Variants in RASA3 observed in about 807,000 individuals in gnomAD.
The protein encoded by RASA3 is RAS p21 protein activator 3, also known as ras GTPase-activating protein 3.
Under a neutral mutation model 110.0 loss-of-function variants are expected in RASA3, and 73 were observed. That is an observed-to-expected ratio of 0.66 (90% CI 0.55 to 0.81). The LOEUF is 0.81. Among genes scored for constraint, RASA3 ranks in the 30% least tolerant of loss-of-function variants. RASA3 has a pLI of 0.00. For missense variants in RASA3, 976 were observed against 1,113.2 expected (o/e 0.88, Z 1.75); for synonymous variants, 500 against 451.4 (o/e 1.11, Z -1.37).
At chr13:114,081,251 C>T (rs1294478611) in intron 1 of RASA3, among the ~76,000 whole-genome samples, 5 of 152,204 alleles carry the variant, frequency 3.3e-5, no homozygotes, top group African/African-American at 9.6e-5. Flanking sequence ...GAGACTCACG[C>T]GTCCCGAGAC....
Position 113,997,305 on chromosome 13 carries a change from T to C in RASA3, c.1933-566A>G, listed in dbSNP as rs76716492. On this transcript the variant is annotated intron_variant, in intron 20 of 23. Transcript: ENST00000334062. ...TTATTACTCATTCAACAAACATGAC[T>C]GAGCACCAGCACTCTCCTATGTCCC... 6.8e-4 allele frequency among the ~76,000 whole-genome samples: 104 copies of C among 152,178 alleles called. No homozygotes were observed. In the East Asian group the frequency reaches 0.015, roughly 22 times the overall value.
intron 4 of RASA3, among the ~76,000 whole-genome samples, chr13:114,030,172 G>A (rs1050864938): frequency 2.4e-4 from 37 of 152,258 alleles, no homozygotes; most frequent in Non-Finnish European, 4.7e-4. Context: ...GGGTCCAACC[G>A]TGTAGGAGAC....
chr13:114,075,448 TC>T (rs2079653221), intron 1 of RASA3, among the ~76,000 whole-genome samples: 1 of 102,976 alleles, frequency 9.7e-6, no homozygotes, highest in Admixed American at 8.7e-5. Context: ...GGACAACGCC[TC>T]CCGTGTCCGC....
chr13:114,031,556 G>C (rs935328716), intron 4 of RASA3, among the ~76,000 whole-genome samples: 3 of 151,304 alleles, frequency 2.0e-5, no homozygotes, highest in African/African-American at 7.3e-5. Flanking sequence ...GTGTTTGTCC[G>C]CCTGTCTGTA....
intron 1 of RASA3, among the ~76,000 whole-genome samples, chr13:114,100,146 T>C (rs879344651): frequency 8.6e-5 from 13 of 151,266 alleles, no homozygotes; most frequent in Admixed American, 7.9e-4. Context: ...CTCTGCGCAA[T>C]AGGAAGACGC....
Position 113,979,099 on chromosome 13 carries a change from A to C in RASA3, c.*248T>G, listed in dbSNP as rs1292716386. 3 of 528,612 alleles carry C rather than the reference A, an allele frequency of 5.7e-6. No homozygotes were observed. 32.7% of individuals were successfully genotyped at this position (528,612 alleles called of 1,614,324 possible). On this transcript the variant is annotated 3_prime_UTR_variant, in exon 24 of 24. Transcript: ENST00000334062. ...CTTCAGCTGATCCCCAGATCCCCAC[A>C]AACAAGGAGCAAAAAGCACAGAATC...
chr13:114,065,338 C>T lies in RASA3; in HGVS notation c.173+8382G>A, dbSNP rs2079428416. Among the ~76,000 whole-genome samples, 1 of 152,212 alleles carries T rather than the reference C, an allele frequency of 6.6e-6. No homozygotes were observed. The highest frequency in any genetic ancestry group is 2.4e-5 in the African/African-American group (1 of 41,456). ...TCTGCCGCAGGCTCGGGGCCCATTT[C>T]CCAAACGCTGGGGGGAGCCGGGAGC... is the stretch of plus-strand genomic sequence containing the variant. On this transcript the variant is annotated intron_variant, in intron 2 of 23. Coordinates refer to ENST00000334062, the MANE Select transcript of RASA3 (RefSeq NM_007368.4). The surrounding 1 kb of genome is among the most constrained non-coding windows in gnomAD (Gnocchi z 4.1).
chr13:114,118,967 C>T (rs959853366), intron 1 of RASA3, among the ~76,000 whole-genome samples: 1 of 152,224 alleles, frequency 6.6e-6, no homozygotes, highest in Admixed American at 6.5e-5. Flanking sequence ...AATGGTCACC[C>T]ATGACAATGA....
chr13:114,053,380 T>C (rs1230856085), intron 2 of RASA3, among the ~76,000 whole-genome samples: 1 of 152,248 alleles, frequency 6.6e-6, no homozygotes, highest in Non-Finnish European at 1.5e-5. Flanking sequence ...TGGGGTTAGT[T>C]TCCTCCCCAC....
At chr13:113,997,981 C>A (rs138296042) in intron 20 of RASA3, among the ~76,000 whole-genome samples, 4,045 of 152,326 alleles carry the variant, frequency 0.027, 76 homozygotes, top group Non-Finnish European at 0.046. Flanking sequence ...CCAGGCTCGG[C>A]CCTGCCACCA....
chr13:114,052,549 A>G (rs1237459980), intron 2 of RASA3, among the ~76,000 whole-genome samples: 1 of 152,222 alleles, frequency 6.6e-6, no homozygotes, highest in Non-Finnish European at 1.5e-5. Flanking sequence ...TAAACATAAA[A>G]CACAGCACTC....
At chr13:114,017,001 T>C (rs1364491717) in intron 12 of RASA3, among the ~76,000 whole-genome samples, 1 of 152,184 alleles carries the variant, frequency 6.6e-6, no homozygotes, top group Non-Finnish European at 1.5e-5. Flanking sequence ...TTCTCCTTTG[T>C]GGAGTGGTGG....
At chr13:114,052,882 T>C (rs2079172113) in intron 2 of RASA3, among the ~76,000 whole-genome samples, 1 of 138,774 alleles carries the variant, frequency 7.2e-6, no homozygotes, top group Non-Finnish European at 1.6e-5. Context: ...CCCCCGCTGC[T>C]GACTGTGCTT....
Position 113,981,727 on chromosome 13 carries a change from C to T in RASA3, c.2377G>A (p.Glu793Lys), listed in dbSNP as rs748734452. Residue 793 changes from glutamate (E) to lysine (K), a missense_variant, in exon 23 of 24, where the codon GAG becomes AAG. Transcript: ENST00000334062. ...TTGTCCCTCTTATACTGGGCGTGCT[C>T]CTGCTCCAAAGCCCCAACCCCAGCG... ...VIAGVGALEQEHAQYKRDKFK... is the reference protein window; with the variant it reads ...VIAGVGALEQKHAQYKRDKFK... 1 of 1,614,012 alleles carries T rather than the reference C, an allele frequency of 6.2e-7. No individual in the cohort carries two copies. Among genetic ancestry groups the T allele is most frequent in the East Asian group, 2.2e-5 (1 of 44,886 alleles).
At chr13:114,046,838 C>T (rs996043353) in intron 3 of RASA3, among the ~76,000 whole-genome samples, 1 of 152,282 alleles carries the variant, frequency 6.6e-6, no homozygotes, top group East Asian at 1.9e-4. Context: ...GAGGAAGGGT[C>T]GTCTTTCAGC....
chr13:114,060,911 AAGCCGGCAGACGGAGCCCCCAC>A (rs2079328943), intron 2 of RASA3, among the ~76,000 whole-genome samples: 15 of 119,228 alleles, frequency 1.3e-4, no homozygotes, highest in Admixed American at 4.1e-4. Flanking sequence ...GGGGCCTCCA[AAGCCGGCAGACGGAGCCCCCAC>A]AGCCGGCAGA....
intron 17 of RASA3, 86 bp downstream of exon 17, chr13:114,009,301 T>C: frequency 9.2e-7 from 1 of 1,089,470 alleles, no homozygotes; most frequent in Non-Finnish European, 1.4e-6. Context: ...CAAGTCTGTG[T>C]CATGTGGGTT....
intron 1 of RASA3, among the ~76,000 whole-genome samples, chr13:114,089,348 G>A (rs1365125982): frequency 6.0e-5 from 9 of 151,072 alleles, no homozygotes; most frequent in Admixed American, 3.9e-4. Flanking sequence ...GAGAATGAAG[G>A]TGAGGACCTG....
chr13:114,027,780 G>T (rs535653691), intron 6 of RASA3, 67 bp downstream of exon 6: 40 of 1,499,676 alleles, frequency 2.7e-5, no homozygotes, highest in Non-Finnish European at 2.7e-5. Context: ...CAGTGGTCTC[G>T]TGATTTCAGA....
Sources: allele counts gnomAD v4.1 joint callset (sites outside exome capture counted in the v4.1 genomes callset), GRCh38; gene constraint gnomAD v4.1.1; non-coding constraint Gnocchi (gnomAD v3.1); transcripts MANE v1.5; gene names NCBI Gene and HGNC (gene_info 2026-07-23, HGNC 2026-07-21).